The following ANXA4 variants were observed in gnomAD, a reference collection of about 807,000 sequenced individuals.
ANXA4 encodes 35-beta calcimedin.
Under a neutral mutation model 49.8 loss-of-function variants are expected in ANXA4, and 39 were observed. The observed-to-expected ratio is 0.78, with a 90% CI of 0.61 to 1.02. ANXA4 has a LOEUF of 1.02. Ranked by LOEUF, ANXA4 falls within the 50% of genes least tolerant of loss-of-function variation. ANXA4 has a pLI of 0.00. For synonymous variants in ANXA4, 134 were observed against 152.5 expected, an observed-to-expected ratio of 0.88 and a Z score of 0.89; for missense variants, 360 against 410.1, an observed-to-expected ratio of 0.88 and a Z score of 1.05.
intron 2 of ANXA4, among the ~76,000 whole-genome samples, chr2:69,663,651 T>G (rs911368493): frequency 6.6e-6 from 1 of 151,826 alleles, no homozygotes; most frequent in Admixed American, 6.6e-5. Flanking sequence ...CTGGGTGACA[T>G]AGAGAGACCC....
intron 2 of ANXA4, among the ~76,000 whole-genome samples, chr2:69,703,203 C>A (rs1208523086): frequency 3.9e-5 from 6 of 151,908 alleles, no homozygotes; most frequent in Non-Finnish European, 8.8e-5. Context: ...GGGTCAGAAC[C>A]CCCTATGGAC....
Position 69,819,346 on chromosome 2 carries a change from G to A in ANXA4, c.783+8G>A, listed in dbSNP as rs1307082820. ...CTCTATAAATCGATGAAGGTAAATG[G>A]CCTTATTTTCAGCATCTAAATGAAT... On this transcript the variant is annotated splice_region_variant and intron_variant, in intron 11 of 12. Coordinates refer to ENST00000394295, the MANE Select transcript of ANXA4 (RefSeq NM_001153.5). 6.3e-7 allele frequency: 1 copy of A among 1,598,854 alleles called. No individual in the cohort carries two copies. Among genetic ancestry groups the A allele is most frequent in the Non-Finnish European group, 8.5e-7 (1 of 1,169,746 alleles).
chr2:69,656,353 A>G (rs1388906695), intron 2 of ANXA4, among the ~76,000 whole-genome samples: 1 of 132,402 alleles, frequency 7.6e-6, no homozygotes, highest in South Asian at 2.4e-4. Flanking sequence ...ATGTGTATAT[A>G]TGTGTATATA....
At chr2:69,669,782 T>G (rs1677092229) in intron 2 of ANXA4, among the ~76,000 whole-genome samples, 1 of 152,188 alleles carries the variant, frequency 6.6e-6, no homozygotes, top group Non-Finnish European at 1.5e-5. Context: ...CTGACTCTGT[T>G]GCCTGGCTGG....
At chr2:69,727,855 C>T (rs542499498) in intron 3 of ANXA4, among the ~76,000 whole-genome samples, 4 of 152,348 alleles carry the variant, frequency 2.6e-5, no homozygotes, top group African/African-American at 9.6e-5. Flanking sequence ...GCCAGGATCA[C>T]ACATTGTATT....
chr2:69,732,123 G>A (rs906818521), intron 3 of ANXA4, among the ~76,000 whole-genome samples: 2 of 151,504 alleles, frequency 1.3e-5, no homozygotes, highest in East Asian at 2.0e-4. Flanking sequence ...GACTACAGGC[G>A]CCCGCCACCA....
intron 2 of ANXA4, among the ~76,000 whole-genome samples, chr2:69,663,491 C>G (rs1676814212): frequency 6.6e-6 from 1 of 151,712 alleles, no homozygotes; most frequent in Non-Finnish European, 1.5e-5. Context: ...TACTATTGAG[C>G]TTCTCTGAGA....
At chr2:69,791,617 G>A (rs1412609832) in intron 3 of ANXA4, among the ~76,000 whole-genome samples, 1 of 152,162 alleles carries the variant, frequency 6.6e-6, no homozygotes, top group Non-Finnish European at 1.5e-5. Context: ...AATAAGTGAA[G>A]AATATTGCTT....
intron 3 of ANXA4, among the ~76,000 whole-genome samples, chr2:69,792,982 A>G (rs187499814): frequency 1.4e-4 from 21 of 152,362 alleles, no homozygotes; most frequent in Middle Eastern, 3.4e-3. Context: ...GGCCAGTCGC[A>G]ATGGCTCCTG....
intron 2 of ANXA4, among the ~76,000 whole-genome samples, chr2:69,663,546 G>C (rs570613254): frequency 2.0e-5 from 3 of 151,960 alleles, no homozygotes; most frequent in African/African-American, 7.3e-5. Flanking sequence ...TGTAGTCCCT[G>C]CTTCTCCACA....
chr2:69,809,364 C>T (rs1673597003), intron 6 of ANXA4: 1 of 152,184 alleles, frequency 6.6e-6, no homozygotes, highest in Admixed American at 6.5e-5. Flanking sequence ...CCCACATCTG[C>T]CCAATGAGGG....
At chr2:69,815,902 AG>A (rs1343330061) in intron 8 of ANXA4, 198 bp from the exon 9 acceptor site, 7 of 559,080 alleles carry the variant, frequency 1.3e-5, no homozygotes, top group Admixed American at 3.0e-5. Context: ...CCTGACTCCC[AG>A]GGGGGTATGA....
In ANXA4 at chr2:69,788,709, G is replaced by A. The variant is rs1300378986; in HGVS notation, c.97+568G>A. Among the ~76,000 whole-genome samples the A allele has an allele frequency of 1.1e-4, 17 of 149,002 alleles. No individual in the cohort carries two copies. The East Asian group carries it at 2.6e-3, about 23-fold the overall frequency. ...AAAAATTAGCTGGGCGTGGTGGCGG[G>A]CGCCTGTAGTCCCAGCTACTCAGGA... On this transcript the variant is annotated intron_variant, in intron 3 of 12. Coordinates refer to ENST00000394295, the MANE Select transcript of ANXA4 (RefSeq NM_001153.5).
intron 2 of ANXA4, among the ~76,000 whole-genome samples, chr2:69,654,008 T>A (rs1676347608): frequency 6.6e-6 from 1 of 152,222 alleles, no homozygotes; most frequent in Non-Finnish European, 1.5e-5. Context: ...ACATCCCTTA[T>A]AAGTTGTATA....
intron 2 of ANXA4, among the ~76,000 whole-genome samples, chr2:69,656,764 G>C (rs1194388872): frequency 6.6e-6 from 1 of 151,788 alleles, no homozygotes; most frequent in African/African-American, 2.4e-5. Context: ...TGGCCAGGCT[G>C]GTCTTGTACT....
At chr2:69,764,347 C>G (rs1671419922) in intron 1 of ANXA4, among the ~76,000 whole-genome samples, 1 of 152,178 alleles carries the variant, frequency 6.6e-6, no homozygotes, top group Admixed American at 6.5e-5. Flanking sequence ...ACTCTGAGAA[C>G]AGATCAGGAA....
chr2:69,643,900 G>T, upstream of ANXA4: 1 of 1,167,126 alleles, frequency 8.6e-7, no homozygotes, highest in Non-Finnish European at 1.1e-6. Flanking sequence ...AGTCGACCGC[G>T]AGAAGAGGAC....
intron 1 of ANXA4, among the ~76,000 whole-genome samples, chr2:69,648,972 G>A (rs1439790918): frequency 8.9e-5 from 12 of 135,394 alleles, no homozygotes; most frequent in East Asian, 2.6e-4. Context: ...CGCAACCTCC[G>A]CCTCCCAGGT....
chr2:69,655,073 C>G (rs1380075248), intron 2 of ANXA4, among the ~76,000 whole-genome samples: 1 of 151,950 alleles, frequency 6.6e-6, no homozygotes, highest in Non-Finnish European at 1.5e-5. Flanking sequence ...CCATAAAAAC[C>G]CTAGAAGAAA....
Sources: gnomAD v4.1 joint callset for allele counts (sites outside exome capture counted in the v4.1 genomes callset) on GRCh38, gnomAD v4.1.1 for gene constraint, MANE v1.5 for transcripts, NCBI Gene and HGNC (gene_info 2026-07-23, HGNC 2026-07-21) for gene names.